The following FOXN3 variants were observed in gnomAD, a reference collection of about 807,000 sequenced individuals.
FOXN3 encodes forkhead box N3, also known as forkhead box protein N3.
FOXN3 carries 7 observed loss-of-function variants against 38.4 expected under a neutral mutation model. The ratio of observed to expected loss-of-function variants is 0.18; its 90% CI spans 0.10 to 0.34. The LOEUF (loss-of-function observed/expected upper bound fraction) is 0.34. Among genes scored for constraint, FOXN3 ranks in the 10% least tolerant of loss-of-function variants. The probability of loss-of-function intolerance (pLI) is 1.00; values close to 1 mark genes in which losing one functional copy is unlikely to be tolerated. For missense variants in FOXN3, 456 were observed against 613.4 expected (o/e 0.74, Z 2.71); for synonymous variants, 230 against 242.2 (o/e 0.95, Z 0.47).
chr14:89,286,212 G>A (rs1886625299), intron 3 of FOXN3, among the ~76,000 whole-genome samples: 1 of 151,990 alleles, frequency 6.6e-6, no homozygotes, highest in Non-Finnish European at 1.5e-5. Flanking sequence ...GGGAGGGGGA[G>A]GAAGAAGAAA....
chr14:89,220,972 C>G (rs775534253), intron 4 of FOXN3, among the ~76,000 whole-genome samples: 11 of 151,974 alleles, frequency 7.2e-5, no homozygotes, highest in Non-Finnish European at 1.2e-4. Context: ...GGTGTTCAAA[C>G]CCTGAAGCTT....
In FOXN3 at chr14:89,219,545, C is replaced by T. The variant is rs558762752; in HGVS notation, c.746-38739G>A. 3.3e-5 allele frequency among the ~76,000 whole-genome samples: 5 copies of T among 152,262 alleles called. No homozygotes were observed. In the South Asian group the frequency reaches 6.2e-4, roughly 19 times the overall value. On this transcript the variant is annotated intron_variant, in intron 4 of 5. Coordinates refer to ENST00000557258, the MANE Select transcript of FOXN3 (RefSeq NM_005197.4). ...TTGTCTTTCCTTAGCCCGTGTTCCC[C>T]GAGAGCATGGCACCACATGCAGTGG...
At chr14:89,235,250 C>T (rs897770817) in intron 4 of FOXN3, among the ~76,000 whole-genome samples, 1 of 152,192 alleles carries the variant, frequency 6.6e-6, no homozygotes, top group Non-Finnish European at 1.5e-5. Flanking sequence ...CTGTTAGAAC[C>T]TTGTGGCTTA....
At position 89,162,774 on chromosome 14, in the gene FOXN3, C is replaced by A; in HGVS notation, c.1047G>T (p.Lys349Asn). 1 of 1,613,036 alleles carries A rather than the reference C, an allele frequency of 6.2e-7. No homozygotes were observed. Among genetic ancestry groups the A allele is most frequent in the Non-Finnish European group, 8.5e-7 (1 of 1,179,544 alleles). Residue 349 changes from lysine (K) to asparagine (N), a missense_variant, in exon 6 of 6, where the codon AAG becomes AAT. This residue lies in a region of FOXN3 where 386 missense variants were observed against 505.2 expected (regional missense o/e 0.76). Transcript: ENST00000557258. This position sits in a 1 kb window ranked among gnomAD's most constrained non-coding sequence, Gnocchi z 7.2. ...SADDHYEFAT[K>N]GSQEGSEGSE... is the part of the protein sequence containing the mutation. Reference sequence around the variant, plus strand: ...TGCCCTCGCTGCCCTCCTGGCTCCCCTTGGTGGCAAACTCATAGTGGTCGT... The same window carrying A: ...TGCCCTCGCTGCCCTCCTGGCTCCCATTGGTGGCAAACTCATAGTGGTCGT...
rs530987634 is a variant in FOXN3 at position 89,570,548 on chromosome 14, T to C, written c.-15+48480A>G. On this transcript the variant is annotated intron_variant, in intron 1 of 6. Transcript: ENST00000345097. The stretch of plus-strand genomic sequence containing the variant: ...TTGGATTGCTAAGGCCATAAAGCCA[T>C]GGAATAGCTGAGTAGGATGGAAAAC... 4.6e-5 allele frequency among the ~76,000 whole-genome samples: 7 copies of C among 152,244 alleles called. No homozygotes were observed. In the South Asian group the frequency reaches 1.2e-3, roughly 27 times the overall value.
chr14:89,309,065 T>C (rs181495650), intron 3 of FOXN3, among the ~76,000 whole-genome samples: 12 of 152,284 alleles, frequency 7.9e-5, no homozygotes, highest in East Asian at 5.8e-4. Context: ...TCTTTGTTTG[T>C]TTTTTTATTT....
chr14:89,270,925 G>A (rs1462375316), intron 4 of FOXN3, among the ~76,000 whole-genome samples: 1 of 152,220 alleles, frequency 6.6e-6, no homozygotes, highest in Non-Finnish European at 1.5e-5. Context: ...GCCAACAGGG[G>A]ACCTGGGGAG....
chr14:89,166,152 G>C (rs545816793), intron 5 of FOXN3, among the ~76,000 whole-genome samples: 1 of 152,138 alleles, frequency 6.6e-6, no homozygotes, highest in Non-Finnish European at 1.5e-5. Flanking sequence ...GTTTTAGGGA[G>C]GGGGAGAAAT....
At position 89,453,463 on chromosome 14, in the gene FOXN3, A is replaced by C. The variant is rs1341999832; in HGVS notation, c.-14-40973T>G. 4.2e-4 allele frequency among the ~76,000 whole-genome samples: 62 copies of C among 149,238 alleles called. No individual in the cohort carries two copies. In the Admixed American group the frequency reaches 4.2e-3, roughly 10 times the overall value. On this transcript the variant is annotated intron_variant, in intron 1 of 6. Transcript: ENST00000345097. ...TAGTCCCAGCTACTCGGGAGGCTGA[A>C]GCAGGAGAACGGTGTGAACCCGGCA...
At chr14:89,279,655 G>A (rs1435637046) in intron 4 of FOXN3, among the ~76,000 whole-genome samples, 1 of 152,160 alleles carries the variant, frequency 6.6e-6, no homozygotes, top group Non-Finnish European at 1.5e-5. Context: ...TAATTTTTGA[G>A]AGTGGAGGGA....
chr14:89,482,663 C>T (rs922609009), intron 1 of FOXN3, among the ~76,000 whole-genome samples: 10 of 151,924 alleles, frequency 6.6e-5, no homozygotes, highest in Admixed American at 2.0e-4. Context: ...AATCCCAGCA[C>T]TTTGGGAGGC....
At chr14:89,378,773 C>T (rs1890558110) in intron 2 of FOXN3, among the ~76,000 whole-genome samples, 2 of 149,478 alleles carry the variant, frequency 1.3e-5, no homozygotes, top group East Asian at 3.9e-4. Context: ...GTGGTGCAAC[C>T]TCAGCTCACT....
chr14:89,492,296 G>A (rs1304535011), intron 1 of FOXN3, among the ~76,000 whole-genome samples: 1 of 152,170 alleles, frequency 6.6e-6, no homozygotes, highest in South Asian at 2.1e-4. Flanking sequence ...AGGATACATG[G>A]GGCACACACC....
At chr14:89,326,458 G>A (rs935340890) in intron 3 of FOXN3, among the ~76,000 whole-genome samples, 1 of 152,002 alleles carries the variant, frequency 6.6e-6, no homozygotes, top group African/African-American at 2.4e-5. Context: ...TTTAATACTC[G>A]GCAGAATCCA....
At chr14:89,584,762 G>C (rs1481066008) in intron 1 of FOXN3, among the ~76,000 whole-genome samples, 3 of 151,688 alleles carry the variant, frequency 2.0e-5, no homozygotes, top group Admixed American at 6.6e-5. Flanking sequence ...GCCCAGGCTG[G>C]AGAGCAAAGG....
intron 3 of FOXN3, among the ~76,000 whole-genome samples, chr14:89,337,979 T>C (rs1333401598): frequency 6.6e-6 from 1 of 152,106 alleles, no homozygotes; most frequent in Non-Finnish European, 1.5e-5. Context: ...CCTGTGACAA[T>C]ATTTGGTGCC....
chr14:89,187,432 C>A (rs1484041001), intron 4 of FOXN3, among the ~76,000 whole-genome samples: 5 of 152,222 alleles, frequency 3.3e-5, no homozygotes, highest in African/African-American at 4.8e-5. Flanking sequence ...CACACTGGGA[C>A]ACAGGCACAC....
intron 1 of FOXN3, among the ~76,000 whole-genome samples, chr14:89,456,370 G>T (rs1892726373): frequency 1.3e-5 from 2 of 152,134 alleles, no homozygotes; most frequent in South Asian, 4.1e-4. Flanking sequence ...GGGAGACCTT[G>T]GCTCTGTCTC....
chr14:89,450,590 C>CTT (rs35023413), intron 1 of FOXN3, among the ~76,000 whole-genome samples: 11 of 144,334 alleles, frequency 7.6e-5, no homozygotes, highest in Admixed American at 1.4e-4. Flanking sequence ...TTCATCTTTC[C>CTT]TTTTTTTTTT....
Sources: allele counts gnomAD v4.1 joint callset (sites outside exome capture counted in the v4.1 genomes callset), GRCh38; gene constraint gnomAD v4.1.1; regional missense constraint gnomAD v4.1.1; non-coding constraint Gnocchi (gnomAD v3.1); transcripts MANE v1.5; gene names NCBI Gene and HGNC (gene_info 2026-07-23, HGNC 2026-07-21).